The following GABPB2 variants were observed in gnomAD, a reference collection of about 807,000 sequenced individuals.
GABPB2 encodes the protein GA-binding protein subunit beta-2.
A neutral mutation model predicts 39.1 loss-of-function variants in GABPB2; 23 were observed. The ratio of observed to expected loss-of-function variants is 0.59; its 90% confidence interval spans 0.42 to 0.83. GABPB2 has a LOEUF of 0.83. Among genes scored for constraint, GABPB2 ranks in the 40% least tolerant of loss-of-function variants. The pLI is 0.00. For synonymous variants in GABPB2, 184 were observed against 199.3 expected (o/e 0.92, Z 0.65); for missense variants, 467 against 541.1 (o/e 0.86, Z 1.36).
intron 4 of GABPB2, among the ~76,000 whole-genome samples, chr1:151,096,143 G>A (rs890800494): frequency 3.9e-5 from 6 of 151,950 alleles, no homozygotes; most frequent in African/African-American, 1.5e-4. Flanking sequence ...GTCATTTCTG[G>A]CTGGGCGTGG....
chr1:151,072,644 G>A (rs1375393480), intron 1 of GABPB2, among the ~76,000 whole-genome samples: 1 of 151,922 alleles, frequency 6.6e-6, no homozygotes, highest in African/African-American at 2.4e-5. Context: ...TCAGGAGTTC[G>A]ACACCAGCCT....
At chr1:151,113,531 TTC>T (rs1239266001) in intron 7 of GABPB2, among the ~76,000 whole-genome samples, 4 of 152,086 alleles carry the variant, frequency 2.6e-5, no homozygotes, top group African/African-American at 9.7e-5. Flanking sequence ...TGGCCAAATC[TTC>T]TGTTTTAAAA....
In GABPB2 at chr1:151,088,179, T is replaced by C. The variant is rs1305006070; in HGVS notation, c.1-11T>C. On this transcript the variant is annotated splice_polypyrimidine_tract_variant and intron_variant, in intron 1 of 8. Coordinates refer to ENST00000368918, the MANE Select transcript of GABPB2 (RefSeq NM_144618.3). ...ATAGCTACCTGAAAACTTTTGTTCCTATGCATAAAGATGTCTTTGGTGGAC... is the reference window on the plus strand; with the variant it reads ...ATAGCTACCTGAAAACTTTTGTTCCCATGCATAAAGATGTCTTTGGTGGAC... The C allele has an allele frequency of 1.2e-6, 2 of 1,606,002 alleles. No individual in the cohort carries two copies. Among genetic ancestry groups the C allele is most frequent in the Admixed American group, 3.3e-5 (2 of 59,864 alleles).
In GABPB2 at chr1:151,113,855, T is replaced by C. The variant is rs72992099; in HGVS notation, c.923-3537T>C. Among the ~76,000 whole-genome samples, 1,188 of 152,352 alleles carry C rather than the reference T, an allele frequency of 7.8e-3. 18 individuals are homozygous for C. The highest frequency in any genetic ancestry group is 0.027 in the African/African-American group (1,119 of 41,580). On this transcript the variant is annotated intron_variant, in intron 7 of 8. Coordinates refer to ENST00000368918, the MANE Select transcript of GABPB2 (RefSeq NM_144618.3). ...TTTCAATAATGTTATATAAGTGGAA[T>C]CATACAGTATACATGATTTTGAGAT...
rs1264066022 is a variant in GABPB2, at chr1:151,117,986, A to G, written c.1077A>G (p.Gln359=). ...GCAATGAAAGAGAGCTACTACAGCA[A>G]CAACTCCAGGAGGCCAATCGAAGAG... ...KEGNERELLQ[Q]QLQEANRRAQ... is the part of the protein sequence containing the mutation. The change falls in exon 9 of 9, where the codon CAA becomes CAG. Residue 359 remains glutamine (Q), a synonymous_variant. Coordinates refer to ENST00000368918, the MANE Select transcript of GABPB2 (RefSeq NM_144618.3). The G allele has an allele frequency of 6.2e-6, 10 of 1,613,352 alleles. No homozygotes were observed. Among genetic ancestry groups the G allele is most frequent in the Admixed American group, 3.3e-5 (2 of 59,888 alleles).
At chr1:151,098,330 C>T (rs934710295) in intron 5 of GABPB2, among the ~76,000 whole-genome samples, 2 of 151,894 alleles carry the variant, frequency 1.3e-5, no homozygotes, top group African/African-American at 4.8e-5. Context: ...CATAGCAAGA[C>T]CCCATCCTCT....
chr1:151,120,703 G>A lies in GABPB2; in HGVS notation c.*2447G>A, dbSNP rs1275903128. 1 of 150,464 alleles carries A rather than the reference G, an allele frequency of 6.6e-6. No homozygotes were observed. The highest frequency in any genetic ancestry group is 1.5e-5 in the Non-Finnish European group (1 of 67,818). 9.3% of individuals were successfully genotyped at this position (150,464 alleles called of 1,614,324 possible). A position where few individuals can be genotyped will look rare whatever the true frequency, so the allele number is the denominator to read the frequency against. ...ATTACAGTGAGGAGGGTAGTCTCTT[G>A]TCAGAAAAACTTGTTTCCAAACATT... On this transcript the variant is annotated 3_prime_UTR_variant, in exon 9 of 9. Coordinates refer to ENST00000368918, the MANE Select transcript of GABPB2 (RefSeq NM_144618.3).
Position 151,093,241 on chromosome 1 carries a change from A to G in GABPB2, c.326A>G (p.His109Arg). 6.2e-7 allele frequency: 1 copy of G among 1,609,882 alleles called. No individual in the cohort carries two copies. The highest frequency in any genetic ancestry group is 1.1e-5 in the South Asian group (1 of 90,092). ...GACATGCTGAAGATGACAGCTTTGC[A>G]TTGGGCCACAGAGCGCCACCATCGA... ...AKDMLKMTAL[H>R]WATERHHRDV... Residue 109 changes from histidine (H) to arginine (R), a missense_variant, in exon 4 of 9, where the codon CAT becomes CGT. Transcript: ENST00000368918.
intron 1 of GABPB2, among the ~76,000 whole-genome samples, chr1:151,081,035 G>A (rs1677641044): frequency 6.7e-6 from 1 of 150,232 alleles, no homozygotes; most frequent in African/African-American, 2.4e-5. Context: ...ACCACGCCCA[G>A]CTAATTTTTT....
In GABPB2 at chr1:151,094,995, GCA is replaced by G. The variant is rs1678999874; in HGVS notation, c.471+1610_471+1611del. Reference sequence around the variant, plus strand: ...ACTGCACTTGAGCCTGGGTGACACAGCAGGATTCCATCTCAAAAAAAAAAAAA... The same window carrying G: ...ACTGCACTTGAGCCTGGGTGACACAGGGATTCCATCTCAAAAAAAAAAAAA... On this transcript the variant is annotated intron_variant, in intron 4 of 8. Transcript: ENST00000368918. 6.3e-5 allele frequency among the ~76,000 whole-genome samples: 8 copies of G among 126,656 alleles called. No homozygotes were observed. In the Admixed American group the frequency reaches 6.7e-4, roughly 11 times the overall value. The allele number at this position is 126,656 out of a possible 152,430, so 83.1% of individuals were successfully genotyped here. A position where few individuals can be genotyped will look rare whatever the true frequency, so the allele number is the denominator to read the frequency against.
intron 1 of GABPB2, among the ~76,000 whole-genome samples, chr1:151,071,842 A>G (rs931740253): frequency 6.6e-6 from 1 of 152,156 alleles, no homozygotes; most frequent in African/African-American, 2.4e-5. Context: ...TACTAAAAGA[A>G]CCATAGATTC....
rs587774187 is a variant in GABPB2, at chr1:151,070,941, A to C, written c.-1+7A>C. The C allele has an allele frequency of 6.6e-6, 1 of 152,184 alleles. No homozygotes were observed. The highest frequency in any genetic ancestry group is 2.4e-5 in the African/African-American group (1 of 41,436). 9.4% of individuals were successfully genotyped at this position (152,184 alleles called of 1,614,324 possible). On this transcript the variant is annotated splice_region_variant and intron_variant, in intron 1 of 8. Transcript: ENST00000368918. ...CAGCGTCCCGGACGAGGAGGTGAGG[A>C]GGAAAGAAGAGATGTGTGGACTCCG... is the stretch of plus-strand genomic sequence containing the variant.
At position 151,121,430 on chromosome 1, in the gene GABPB2, T is replaced by TTCTTTA. The variant is rs1681179125; in HGVS notation, c.*3179_*3180insATCTTT. ...TTGGAAAGTGTTTAACTGCTGGGTT[T>TTCTTTA]TCTTTTTCTTTTTCTTTTTTTTTTT... On this transcript the variant is annotated 3_prime_UTR_variant, in exon 9 of 9. Transcript: ENST00000368918. The TTCTTTA allele has an allele frequency of 6.5e-6, 1 of 153,302 alleles. No homozygotes were observed. Among genetic ancestry groups the TTCTTTA allele is most frequent in the Non-Finnish European group, 1.4e-5 (1 of 69,018 alleles). The allele number at this position is 153,302 out of a possible 1,614,324, so 9.5% of individuals were successfully genotyped here. A position where few individuals can be genotyped will look rare whatever the true frequency, so the allele number is the denominator to read the frequency against.
At chr1:151,078,517 C>T (rs1254718792) in intron 1 of GABPB2, among the ~76,000 whole-genome samples, 7 of 149,402 alleles carry the variant, frequency 4.7e-5, no homozygotes, top group East Asian at 2.0e-4. Context: ...GGCATGAATC[C>T]GGGAGACGGA....
chr1:151,080,231 A>C (rs753339649), intron 1 of GABPB2, among the ~76,000 whole-genome samples: 5,652 of 138,162 alleles, frequency 0.041, 242 homozygotes, highest in South Asian at 0.086. Flanking sequence ...AAAAAAAAAA[A>C]AAAAAAAAAA....
chr1:151,111,059 C>T (rs1035501122), intron 7 of GABPB2, among the ~76,000 whole-genome samples: 1 of 152,040 alleles, frequency 6.6e-6, no homozygotes, highest in Non-Finnish European at 1.5e-5. Flanking sequence ...GCGGGAGGAG[C>T]GCTTGAGGTC....
chr1:151,107,704 C>T (rs1406947121), intron 7 of GABPB2, among the ~76,000 whole-genome samples: 3 of 151,860 alleles, frequency 2.0e-5, no homozygotes, highest in Non-Finnish European at 2.9e-5. Flanking sequence ...GGGAGGCTGA[C>T]GCAGGAGGAT....
chr1:151,080,304 G>C (rs1048378965), intron 1 of GABPB2, among the ~76,000 whole-genome samples: 4 of 150,672 alleles, frequency 2.7e-5, no homozygotes, highest in African/African-American at 4.9e-5. Context: ...CTGAGGTCAG[G>C]AGTTCAAGAC....
chr1:151,097,776 C>CA (rs35034487), intron 4 of GABPB2, 76 bp from the exon 5 acceptor site: 21,063 of 1,213,280 alleles, frequency 0.017, no homozygotes, highest in East Asian at 0.021. Flanking sequence ...GAGACTGTCT[C>CA]AAAAAAAAAA....
Sources: allele counts gnomAD v4.1 joint callset (sites outside exome capture counted in the v4.1 genomes callset), GRCh38; gene constraint gnomAD v4.1.1; transcripts MANE v1.5; gene names NCBI Gene and HGNC (gene_info 2026-07-23, HGNC 2026-07-21).